LMAN1L: variants seen among roughly 807,000 people sequenced by gnomAD.
LMAN1L encodes the protein lectin, mannose binding 1 like, also known as protein ERGIC-53-like.
In LMAN1L, 60 loss-of-function variants were observed where a neutral mutation model predicts 58.3. The ratio of observed to expected loss-of-function variants is 1.03; its 90% CI spans 0.84 to 1.27. The LOEUF is 1.27. Among genes scored for constraint, LMAN1L ranks in the 50% most tolerant of loss-of-function variants. The probability of loss-of-function intolerance (pLI) is 0.00; values close to 1 mark genes in which losing one functional copy is unlikely to be tolerated. For synonymous variants in LMAN1L, 280 were observed against 271.6 expected, an observed-to-expected ratio of 1.03 and a Z score of -0.31; for missense variants, 629 against 674.0, an observed-to-expected ratio of 0.93 and a Z score of 0.74.
intron 4 of LMAN1L, among the ~76,000 whole-genome samples, 167 bp from the exon 5 acceptor site, chr15:74,818,551 G>C (rs539105610): frequency 6.6e-6 from 1 of 152,122 alleles, no homozygotes; most frequent in Non-Finnish European, 1.5e-5. Context: ...AAAATTAGCC[G>C]GGCATGGTGG....
chr15:74,813,454 C>G, intron 1 of LMAN1L: 1 of 458,238 alleles, frequency 2.2e-6, no homozygotes, highest in Non-Finnish European at 4.4e-6. Flanking sequence ...CTGGGGGCTA[C>G]CTGGAGGGAA....
At chr15:74,814,768 C>G (rs963093111) in intron 1 of LMAN1L, among the ~76,000 whole-genome samples, 1 of 152,172 alleles carries the variant, frequency 6.6e-6, no homozygotes, top group Non-Finnish European at 1.5e-5. Context: ...CTCGGCTTCC[C>G]AAAGTGCTGG....
In LMAN1L at chr15:74,825,687, G is replaced by T; in HGVS notation, c.*82G>T. 6.9e-7 allele frequency: 1 copy of T among 1,449,594 alleles called. No homozygotes were observed. The highest frequency in any genetic ancestry group is 9.4e-7 in the Non-Finnish European group (1 of 1,059,028). The allele number at this position is 1,449,594 out of a possible 1,614,324, so 89.8% of individuals were successfully genotyped here. A position where few individuals can be genotyped will look rare whatever the true frequency, so the allele number is the denominator to read the frequency against. ...CTTGGTCAGTATCCTCTCCGTCTGGGTGCCCAGCTCCCACGCACACCTGAG... is the reference window on the plus strand; with the variant it reads ...CTTGGTCAGTATCCTCTCCGTCTGGTTGCCCAGCTCCCACGCACACCTGAG... On this transcript the variant is annotated 3_prime_UTR_variant, in exon 14 of 14. Coordinates refer to ENST00000309664, the MANE Select transcript of LMAN1L (RefSeq NM_021819.3).
chr15:74,819,039 C>T, intron 5 of LMAN1L, 113 bp from the exon 6 acceptor site: 1 of 1,319,852 alleles, frequency 7.6e-7, no homozygotes, highest in South Asian at 1.4e-5. Flanking sequence ...CGGGTCACCT[C>T]CATGCCATTC....
chr15:74,816,500 G>T lies in LMAN1L; in HGVS notation c.404G>T (p.Gly135Val), dbSNP rs1386161428. ...GGGCTGGCTTCGTGGGACGGCATCG[G>T]GATCTTCTTTGACTCTCCGGCAGAG... is the stretch of plus-strand genomic sequence containing the variant. ...LGGLASWDGI[G>V]IFFDSPAEDT... The change falls in exon 3 of 14, where the codon GGG becomes GTG. Residue 135 changes from glycine (G) to valine (V), a missense_variant. This residue lies in a region of LMAN1L where 573 missense variants were observed against 597.3 expected (regional missense o/e 0.96). Transcript: ENST00000309664. 1 of 1,551,624 alleles carries T rather than the reference G, an allele frequency of 6.4e-7. No homozygotes were observed.
chr15:74,823,709 G>C lies in LMAN1L; in HGVS notation c.1323+27G>C, dbSNP rs377707054. The C allele has an allele frequency of 5.6e-6, 9 of 1,608,724 alleles. No individual in the cohort carries two copies. The African/African-American group carries it at 1.2e-4, about 22-fold the overall frequency. On this transcript the variant is annotated intron_variant, in intron 12 of 13. Transcript: ENST00000309664. The stretch of plus-strand genomic sequence containing the variant: ...TGAGGGGAAAGTAGTGGGCAGCATG[G>C]GGTCCCCAACCTTGACGTCTGGGCT...
chr15:74,817,193 T>C (rs2063895630), intron 4 of LMAN1L, among the ~76,000 whole-genome samples: 1 of 152,186 alleles, frequency 6.6e-6, no homozygotes, highest in South Asian at 2.1e-4. Context: ...AGCAACCTTC[T>C]CTCGGCTCAT....
intron 1 of LMAN1L, 51 bp from the exon 2 acceptor site, chr15:74,816,106 G>A (rs754370208): frequency 9.2e-6 from 14 of 1,519,876 alleles, no homozygotes; most frequent in Non-Finnish European, 1.2e-5. Context: ...GAGAGTGAAG[G>A]GGGAGATGGG....
chr15:74,813,004 A>T lies in LMAN1L; in HGVS notation c.150A>T (p.Gly50=). 6.2e-7 allele frequency: 1 copy of T among 1,613,670 alleles called. No homozygotes were observed. Among genetic ancestry groups the T allele is most frequent in the Non-Finnish European group, 8.5e-7 (1 of 1,179,798 alleles). ...KGPRLALPGA[G]IPFWSHHGDA... is the part of the protein sequence containing the mutation. Reference sequence around the variant, plus strand: ...CAAGGCTGGCATTGCCTGGGGCTGGAATACCCTTCTGGAGCCATCATGGAG... The same window carrying T: ...CAAGGCTGGCATTGCCTGGGGCTGGTATACCCTTCTGGAGCCATCATGGAG... Residue 50 remains glycine (G), a synonymous_variant, in exon 1 of 14, where the codon GGA becomes GGT. Coordinates refer to ENST00000309664, the MANE Select transcript of LMAN1L (RefSeq NM_021819.3).
Position 74,820,062 on chromosome 15 carries a change from C to A in LMAN1L, c.737C>A (p.Ser246Tyr). ...CTTCCAGATGATCATGATGTCCTGT[C>A]CTTCCTGACCTTCAGCCTGAGTGAG... ...GTLADDHDVL[S>Y]FLTFSLSEPS... Residue 246 changes from serine to tyrosine, a missense_variant, in exon 7 of 14, where the codon TCC becomes TAC. Physicochemically the swap from Ser to Tyr is moderately radical, Grantham distance 144 (BLOSUM62 -2). Transcript: ENST00000309664. The A allele has an allele frequency of 6.2e-7, 1 of 1,614,126 alleles. No individual in the cohort carries two copies. The highest frequency in any genetic ancestry group is 8.5e-7 in the Non-Finnish European group (1 of 1,179,962).
intron 1 of LMAN1L, among the ~76,000 whole-genome samples, chr15:74,814,378 G>GTTT (rs569247875): frequency 0.012 from 1,288 of 110,562 alleles, 87 homozygotes; most frequent in Middle Eastern, 0.11. Flanking sequence ...TTTTGTTTTT[G>GTTT]TTTTTTTTTT....
chr15:74,816,230 G>A lies in LMAN1L; in HGVS notation c.249G>A (p.Arg83=), dbSNP rs1329951277. The A allele has an allele frequency of 3.8e-6, 6 of 1,593,768 alleles. No individual in the cohort carries two copies. The highest frequency in any genetic ancestry group is 5.1e-6 in the Non-Finnish European group (6 of 1,170,446). The part of the protein sequence containing the change: ...MRNRSGAVWS[R]ASVPFSAWEV... Reference sequence around the variant, plus strand: ...ACCGGAGTGGCGCCGTGTGGAGCAGGGCCTCTGTCCCCTTCTCTGCCTGGG... The same window carrying A: ...ACCGGAGTGGCGCCGTGTGGAGCAGAGCCTCTGTCCCCTTCTCTGCCTGGG... The change falls in exon 2 of 14, where the codon AGG becomes AGA. Residue 83 remains arginine (R), a synonymous_variant. Coordinates refer to ENST00000309664, the MANE Select transcript of LMAN1L (RefSeq NM_021819.3).
intron 1 of LMAN1L, among the ~76,000 whole-genome samples, chr15:74,813,912 G>T (rs2063877357): frequency 6.7e-6 from 1 of 149,868 alleles, no homozygotes; most frequent in Non-Finnish European, 1.5e-5. Flanking sequence ...GAATCACGAG[G>T]TCAAGAGGTT....
At chr15:74,821,262 C>A in intron 9 of LMAN1L, 36 bp downstream of exon 9, 7 of 1,543,466 alleles carry the variant, frequency 4.5e-6, no homozygotes, top group South Asian at 1.2e-5. Context: ...GCTCCACCTG[C>A]GGGCCTGAAA....
At chr15:74,822,301 G>A (rs926780101) in intron 10 of LMAN1L, among the ~76,000 whole-genome samples, 1 of 152,230 alleles carries the variant, frequency 6.6e-6, no homozygotes, top group African/African-American at 2.4e-5. Context: ...AGGAGGCAGA[G>A]GTAGCAGTGA....
chr15:74,820,537 G>A (rs887055862), intron 7 of LMAN1L, 98 bp from the exon 8 acceptor site: 6 of 1,510,236 alleles, frequency 4.0e-6, no homozygotes, highest in African/African-American at 1.4e-5. Flanking sequence ...GCTGGCCAGG[G>A]AGGAAGGCTG....
At position 74,818,759 on chromosome 15, in the gene LMAN1L, T is replaced by C. The variant is rs1386263759; in HGVS notation, c.539T>C (p.Phe180Ser). The change falls in exon 5 of 14, where the codon TTC becomes TCC. Residue 180 changes from phenylalanine (F) to serine (S), a missense_variant. By Grantham distance (155) the Phe-to-Ser change is radical (BLOSUM62 -2). Coordinates refer to ENST00000309664, the MANE Select transcript of LMAN1L (RefSeq NM_021819.3). ...GGGCTGGGCTCCTGTCATTGGGACT[T>C]CCGGAACCGGCCACACCCCTTCAGA... The part of the protein sequence containing the change: ...SQGLGSCHWD[F>S]RNRPHPFRAR... The C allele has an allele frequency of 1.2e-6, 2 of 1,611,766 alleles. No homozygotes were observed. The highest frequency in any genetic ancestry group is 1.7e-6 in the Non-Finnish European group (2 of 1,179,306).
chr15:74,823,179 G>A (rs1448515059), intron 11 of LMAN1L, among the ~76,000 whole-genome samples: 1 of 152,176 alleles, frequency 6.6e-6, no homozygotes, highest in African/African-American at 2.4e-5. Context: ...TGGGGATGCT[G>A]TGGAGGAGGC....
intron 6 of LMAN1L, chr15:74,819,749 G>A (rs1387455457): frequency 9.3e-6 from 5 of 535,476 alleles, no homozygotes; most frequent in African/African-American, 5.7e-5. Flanking sequence ...TGCTCTGGGG[G>A]CCTAAGAGTG....
Sources: allele counts gnomAD v4.1 joint callset (sites outside exome capture counted in the v4.1 genomes callset), GRCh38; gene constraint gnomAD v4.1.1; regional missense constraint gnomAD v4.1.1; transcripts MANE v1.5; gene names NCBI Gene and HGNC (gene_info 2026-07-23, HGNC 2026-07-21).